Variants in RBFOX1 observed in about 807,000 individuals in gnomAD.
RBFOX1 encodes RNA binding protein fox-1 homolog 1.
In RBFOX1, 8 loss-of-function variants were observed where a neutral mutation model predicts 57.7. The ratio of observed to expected loss-of-function variants is 0.14; its 90% CI spans 0.08 to 0.25. The LOEUF (loss-of-function observed/expected upper bound fraction) is 0.25, where lower values mean the gene tolerates loss of function less well. Among genes scored for constraint, RBFOX1 ranks in the 10% least tolerant of loss-of-function variants. The pLI is 1.00. For synonymous variants in RBFOX1, 326 were observed against 222.4 expected (o/e 1.47, Z -4.15); for missense variants, 611 against 548.5 (o/e 1.11, Z -1.14).
chr16:7,143,219 C>A (rs1269346585), intron 4 of RBFOX1, among the ~76,000 whole-genome samples: 2 of 151,746 alleles, frequency 1.3e-5, no homozygotes, highest in Non-Finnish European at 2.9e-5. Flanking sequence ...TTGTCATTTT[C>A]TTTGTGTTTT....
chr16:6,979,666 A>G (rs1442870202), intron 3 of RBFOX1, among the ~76,000 whole-genome samples: 1 of 152,224 alleles, frequency 6.6e-6, no homozygotes, highest in African/African-American at 2.4e-5. Flanking sequence ...GTTATGTTTC[A>G]ATAGAATTCA....
chr16:6,073,719 A>G (rs1249552329), intron 1 of RBFOX1, among the ~76,000 whole-genome samples: 3 of 152,206 alleles, frequency 2.0e-5, no homozygotes, highest in Non-Finnish European at 2.9e-5. Flanking sequence ...GAGTTTTTAT[A>G]TTAGTTGTTC....
chr16:5,718,763 C>T (rs1011564170), intron 3 of RBFOX1, among the ~76,000 whole-genome samples: 2 of 152,162 alleles, frequency 1.3e-5, no homozygotes, highest in East Asian at 1.9e-4. Context: ...CAAAAATTAG[C>T]CGGGGCATAG....
intron 4 of RBFOX1, among the ~76,000 whole-genome samples, chr16:7,324,675 A>G (rs1409022751): frequency 1.3e-5 from 2 of 152,194 alleles, no homozygotes; most frequent in African/African-American, 2.4e-5. Context: ...CAAGAGGAGC[A>G]TGGTGCTGCC....
At chr16:7,044,417 G>A (rs766840575) in intron 3 of RBFOX1, among the ~76,000 whole-genome samples, 2 of 152,200 alleles carry the variant, frequency 1.3e-5, no homozygotes, top group Admixed American at 6.5e-5. Flanking sequence ...GATGAAAAAG[G>A]CTGAGTGAGA....
intron 4 of RBFOX1, among the ~76,000 whole-genome samples, chr16:7,145,046 G>A (rs1205601042): frequency 2.0e-5 from 3 of 152,146 alleles, no homozygotes; most frequent in Admixed American, 6.5e-5. Context: ...AATCCTAGCC[G>A]GATGTGACTG....
intron 3 of RBFOX1, among the ~76,000 whole-genome samples, chr16:5,854,194 C>G (rs1483674303): frequency 6.6e-6 from 1 of 152,160 alleles, no homozygotes; most frequent in Non-Finnish European, 1.5e-5. Flanking sequence ...CTGGTGAGAA[C>G]ACGTAAGATC....
chr16:6,885,563 G>A (rs1220123814), intron 3 of RBFOX1, among the ~76,000 whole-genome samples: 1 of 151,174 alleles, frequency 6.6e-6, no homozygotes, highest in Middle Eastern at 3.2e-3. Flanking sequence ...ATGGAGTCTT[G>A]CTCTGTCATC....
At chr16:7,252,787 T>C (rs1179698119) in intron 4 of RBFOX1, among the ~76,000 whole-genome samples, 2 of 152,066 alleles carry the variant, frequency 1.3e-5, no homozygotes, top group Admixed American at 6.6e-5. Context: ...TAGGTATCTC[T>C]GGGCTAATGT....
chr16:6,763,286 C>A (rs8046305), intron 3 of RBFOX1, among the ~76,000 whole-genome samples: 3 of 151,946 alleles, frequency 2.0e-5, no homozygotes, highest in Non-Finnish European at 2.9e-5. Context: ...TAGTGAGAAG[C>A]AAAGTCATTG....
chr16:7,284,561 C>T (rs1165963405), intron 4 of RBFOX1, among the ~76,000 whole-genome samples: 1 of 151,890 alleles, frequency 6.6e-6, no homozygotes, highest in Non-Finnish European at 1.5e-5. Context: ...GATCTCCTGG[C>T]CTCAAGCAGT....
At chr16:5,847,118 CTCTGG>C (rs1367127355) in intron 3 of RBFOX1, among the ~76,000 whole-genome samples, 1 of 152,184 alleles carries the variant, frequency 6.6e-6, no homozygotes, top group Non-Finnish European at 1.5e-5. Flanking sequence ...CCAGGCTGTT[CTCTGG>C]AAGTCATTTG....
chr16:6,154,403 G>A (rs532954816), intron 1 of RBFOX1, among the ~76,000 whole-genome samples: 4 of 152,310 alleles, frequency 2.6e-5, no homozygotes, highest in African/African-American at 4.8e-5. Flanking sequence ...TGACATGTAG[G>A]CATTGTAACT....
intron 5 of RBFOX1, among the ~76,000 whole-genome samples, chr16:7,546,801 A>C (rs1156974825): frequency 6.6e-6 from 1 of 152,186 alleles, no homozygotes; most frequent in African/African-American, 2.4e-5. Context: ...GTAGTTGGAC[A>C]CTTAAATTTT....
intron 3 of RBFOX1, among the ~76,000 whole-genome samples, chr16:7,040,635 C>G (rs1012591610): frequency 1.3e-5 from 2 of 152,114 alleles, no homozygotes; most frequent in African/African-American, 2.4e-5. Flanking sequence ...GTTTATCATT[C>G]CAGACTTTTT....
intron 4 of RBFOX1, among the ~76,000 whole-genome samples, chr16:5,893,844 A>G (rs2058099197): frequency 6.6e-6 from 1 of 152,114 alleles, no homozygotes; most frequent in Admixed American, 6.5e-5. Flanking sequence ...AAATATATGC[A>G]CCTGCTATGT....
intron 4 of RBFOX1, among the ~76,000 whole-genome samples, chr16:7,365,077 C>G (rs866221113): frequency 6.6e-6 from 1 of 152,210 alleles, no homozygotes; most frequent in South Asian, 2.1e-4. Context: ...ATTCGTCTAT[C>G]TATCTATCTA....
intron 3 of RBFOX1, among the ~76,000 whole-genome samples, chr16:6,956,856 T>A (rs937667776): frequency 3.3e-5 from 5 of 152,098 alleles, no homozygotes; most frequent in African/African-American, 1.2e-4. Flanking sequence ...GGGCTGGGTA[T>A]TCAAGGTGAC....
intron 4 of RBFOX1, among the ~76,000 whole-genome samples, chr16:7,450,575 C>G (rs922786941): frequency 7.9e-5 from 12 of 152,036 alleles, no homozygotes; most frequent in African/African-American, 2.7e-4. Context: ...GCGTGAGTGT[C>G]TTAAGGAGGA....
Sources: allele counts gnomAD v4.1 joint callset (sites outside exome capture counted in the v4.1 genomes callset), GRCh38; gene constraint gnomAD v4.1.1; transcripts MANE v1.5; gene names NCBI Gene and HGNC (gene_info 2026-07-23, HGNC 2026-07-21).